Variants in HDAC9 observed in about 807,000 individuals in gnomAD.
HDAC9 encodes histone deacetylase 9.
Under a neutral mutation model 139.4 loss-of-function variants are expected in HDAC9, and 41 were observed. The observed-to-expected ratio is 0.29, with a 90% confidence interval of 0.23 to 0.38. HDAC9 has a LOEUF of 0.38. Ranked by LOEUF, HDAC9 falls within the 10% of genes least tolerant of loss-of-function variation. HDAC9 has a pLI of 1.00. For synonymous variants in HDAC9, 517 were observed against 476.2 expected (o/e 1.09, Z -1.12); for missense variants, 1,147 against 1,297.0 (o/e 0.88, Z 1.78).
chr7:18,473,726 C>A (rs967460463), intron 1 of HDAC9, among the ~76,000 whole-genome samples: 5 of 152,208 alleles, frequency 3.3e-5, no homozygotes, highest in African/African-American at 1.2e-4. Context: ...AATAGTAATA[C>A]AGCTCACCTC....
intron 21 of HDAC9, among the ~76,000 whole-genome samples, chr7:18,867,030 T>A (rs1798551696): frequency 6.6e-6 from 1 of 152,226 alleles, no homozygotes; most frequent in South Asian, 2.1e-4. Flanking sequence ...GCTTACTGTG[T>A]TTAGCATCTA....
chr7:18,555,276 A>G (rs1818446738), intron 2 of HDAC9, among the ~76,000 whole-genome samples: 1 of 152,188 alleles, frequency 6.6e-6, no homozygotes, highest in Non-Finnish European at 1.5e-5. Context: ...ACCTCTCCTA[A>G]GGAAACAATT....
chr7:18,209,889 A>G (rs1311223055), intron 2 of HDAC9, among the ~76,000 whole-genome samples: 1 of 151,932 alleles, frequency 6.6e-6, no homozygotes, highest in African/African-American at 2.4e-5. Context: ...TTTAGTAGAG[A>G]TGGGGTTTCA....
intron 13 of HDAC9, among the ~76,000 whole-genome samples, chr7:18,742,692 T>G (rs1787569860): frequency 6.6e-6 from 1 of 152,172 alleles, no homozygotes; most frequent in African/African-American, 2.4e-5. Flanking sequence ...CATCTTATTA[T>G]GTACATCTAG....
At chr7:18,948,154 C>A in intron 23 of HDAC9, among the ~76,000 whole-genome samples, 1 of 151,796 alleles carries the variant, frequency 6.6e-6, no homozygotes, top group East Asian at 1.9e-4. Context: ...TCTTTTAAAT[C>A]GAAAACAAGA....
intron 2 of HDAC9, among the ~76,000 whole-genome samples, chr7:18,581,843 C>T (rs1277544565): frequency 6.6e-6 from 1 of 152,180 alleles, no homozygotes; most frequent in Non-Finnish European, 1.5e-5. Flanking sequence ...TGCATCTGAA[C>T]TTGTCATGAT....
chr7:18,792,519 G>A (rs1312822600), intron 16 of HDAC9, among the ~76,000 whole-genome samples: 4 of 151,922 alleles, frequency 2.6e-5, no homozygotes, highest in Non-Finnish European at 5.9e-5. Flanking sequence ...GCATTATTAT[G>A]TGTTTTCATT....
chr7:18,685,304 G>A (rs1211962751), intron 12 of HDAC9, among the ~76,000 whole-genome samples: 1 of 151,930 alleles, frequency 6.6e-6, no homozygotes, highest in South Asian at 2.1e-4. Context: ...CCCATGGGAA[G>A]CAGCTTACCC....
chr7:18,393,673 A>G (rs925175964), intron 1 of HDAC9, among the ~76,000 whole-genome samples: 3 of 151,902 alleles, frequency 2.0e-5, no homozygotes, highest in South Asian at 2.1e-4. Flanking sequence ...GGAACCTCCC[A>G]TTTCCCATTC....
intron 2 of HDAC9, among the ~76,000 whole-genome samples, chr7:18,174,763 C>A (rs1319427341): frequency 6.6e-6 from 1 of 152,186 alleles, no homozygotes; most frequent in Non-Finnish European, 1.5e-5. Context: ...ACGCCGTTTG[C>A]CTGGGTATCA....
At chr7:18,327,406 A>G (rs981823430) in intron 1 of HDAC9, 1 of 151,920 alleles carries the variant, frequency 6.6e-6, no homozygotes, top group Admixed American at 6.6e-5. Context: ...TATTTGTTAG[A>G]ACTATATGAA....
intron 1 of HDAC9, among the ~76,000 whole-genome samples, chr7:18,346,126 T>C (rs868433058): frequency 6.6e-6 from 1 of 152,156 alleles, no homozygotes; most frequent in South Asian, 2.1e-4. Context: ...ATCATTTTGC[T>C]AAAGAAAAGT....
intron 16 of HDAC9, among the ~76,000 whole-genome samples, chr7:18,779,896 G>A (rs865846392): frequency 6.6e-6 from 1 of 151,988 alleles, no homozygotes; most frequent in African/African-American, 2.4e-5. Context: ...AGGCACTGCA[G>A]GGAGACAAAT....
chr7:18,288,344 A>G (rs1797589895), upstream of HDAC9, among the ~76,000 whole-genome samples: 1 of 152,220 alleles, frequency 6.6e-6, no homozygotes, highest in African/African-American at 2.4e-5. Flanking sequence ...CATGTTATCT[A>G]GACTTCAGTT....
intron 12 of HDAC9, among the ~76,000 whole-genome samples, chr7:18,695,169 C>A (rs562031982): frequency 6.6e-6 from 1 of 152,218 alleles, no homozygotes; most frequent in Non-Finnish European, 1.5e-5. Context: ...ACAGGTGTGC[C>A]TTAGGCTAAC....
At chr7:18,308,272 GA>G (rs1428471792) in intron 1 of HDAC9, among the ~76,000 whole-genome samples, 2 of 152,184 alleles carry the variant, frequency 1.3e-5, no homozygotes, top group African/African-American at 4.8e-5. Flanking sequence ...AGCCTACGTA[GA>G]ATACTTTTAA....
intron 22 of HDAC9, among the ~76,000 whole-genome samples, chr7:18,910,941 A>C (rs1802686366): frequency 6.6e-6 from 1 of 151,742 alleles, no homozygotes; most frequent in African/African-American, 2.4e-5. Flanking sequence ...TGGTTTTATT[A>C]TCAGGGTAAT....
chr7:18,908,648 A>AT (rs528434971), intron 22 of HDAC9, among the ~76,000 whole-genome samples: 55 of 151,688 alleles, frequency 3.6e-4, no homozygotes, highest in Admixed American at 7.2e-4. Flanking sequence ...TGCGGTATTT[A>AT]TTTTTTTTGT....
intron 1 of HDAC9, among the ~76,000 whole-genome samples, chr7:18,459,064 C>G (rs373395110): frequency 6.6e-6 from 1 of 152,280 alleles, no homozygotes; most frequent in African/African-American, 2.4e-5. Context: ...CAAGAGGTTG[C>G]TGTTCGGAGT....
Sources: allele counts gnomAD v4.1 joint callset (sites outside exome capture counted in the v4.1 genomes callset), GRCh38; gene constraint gnomAD v4.1.1; transcripts MANE v1.5; gene names NCBI Gene and HGNC (gene_info 2026-07-23, HGNC 2026-07-21).